The following DMD variants were observed in gnomAD, a reference collection of about 807,000 sequenced individuals.
DMD encodes the protein mutant dystrophin.
DMD carries 63 observed loss-of-function variants against 330.1 expected under a neutral mutation model. The ratio of observed to expected loss-of-function variants is 0.19; its 90% CI spans 0.16 to 0.24. The LOEUF is 0.24. Ranked by LOEUF, DMD falls within the 10% of genes least tolerant of loss-of-function variation. The probability of loss-of-function intolerance (pLI) is 1.00; values close to 1 mark genes in which losing one functional copy is unlikely to be tolerated. For missense variants in DMD, 3,344 were observed against 2,684.1 expected (o/e 1.25, Z -5.43); for synonymous variants, 1,223 against 959.8 (o/e 1.27, Z -5.07).
At chrX:31,871,512 T>C (rs1200220728) in intron 48 of DMD, among the ~76,000 whole-genome samples, 1 of 110,589 alleles carries the variant, frequency 9.0e-6, no homozygotes, top group Non-Finnish European at 1.9e-5. Flanking sequence ...CTAACAGGTG[T>C]GCTCAGAGTT....
intron 55 of DMD, among the ~76,000 whole-genome samples, chrX:31,596,644 T>C (rs779711356): frequency 6.3e-5 from 7 of 111,946 alleles, no homozygotes; most frequent in Non-Finnish European, 1.3e-4. Flanking sequence ...TTCTGCAGGT[T>C]AAATGCAGTC....
chrX:32,947,071 T>C (rs1014465711), intron 2 of DMD, among the ~76,000 whole-genome samples: 3 of 112,299 alleles, frequency 2.7e-5, no homozygotes, highest in African/African-American at 9.7e-5. Context: ...CTAATCCTAG[T>C]ATCTCTAAAA....
At chrX:33,276,761 A>T (rs1240459916) in intron 1 of DMD, among the ~76,000 whole-genome samples, 1 of 112,030 alleles carries the variant, frequency 8.9e-6, no homozygotes, top group Non-Finnish European at 1.9e-5. Context: ...GGCTTTAAAG[A>T]TCTAAACTAA....
At chrX:32,018,418 G>A (rs868391632) in intron 44 of DMD, among the ~76,000 whole-genome samples, 13 of 110,963 alleles carry the variant, frequency 1.2e-4, no homozygotes, top group South Asian at 3.9e-4. Context: ...TGTTCTTTGC[G>A]GGGGAGCTCA....
chrX:31,255,371 T>C (rs2049831225), intron 63 of DMD, among the ~76,000 whole-genome samples: 2 of 111,594 alleles, frequency 1.8e-5, no homozygotes, highest in African/African-American at 6.5e-5. Context: ...ATTACATTTG[T>C]AAAAATGCTA....
intron 47 of DMD, among the ~76,000 whole-genome samples, chrX:31,890,501 G>A (rs1326779902): frequency 9.0e-6 from 1 of 111,148 alleles, no homozygotes; most frequent in East Asian, 2.8e-4. Context: ...CATTTCCAAT[G>A]CTCAAAACCC....
At chrX:33,286,698 T>C (rs1310218448) in intron 1 of DMD, among the ~76,000 whole-genome samples, 1 of 112,103 alleles carries the variant, frequency 8.9e-6, no homozygotes, top group South Asian at 3.7e-4. Flanking sequence ...GCATCCTTCA[T>C]TGAGCTAATG....
At chrX:32,355,125 T>C (rs965040435) in intron 37 of DMD, among the ~76,000 whole-genome samples, 2 of 111,817 alleles carry the variant, frequency 1.8e-5, no homozygotes, top group Non-Finnish European at 3.8e-5. Context: ...TACCACCTTT[T>C]GTTCTTGTCA....
At chrX:33,173,570 A>T (rs1362853029) in intron 1 of DMD, among the ~76,000 whole-genome samples, 1 of 111,246 alleles carries the variant, frequency 9.0e-6, no homozygotes, top group Non-Finnish European at 1.9e-5. Context: ...TCTTCTAGAG[A>T]TTAAAGTGCA....
At chrX:33,070,673 C>CTCTA (rs1192910156) in intron 1 of DMD, among the ~76,000 whole-genome samples, 18 of 35,640 alleles carry the variant, frequency 5.1e-4, no homozygotes, top group African/African-American at 1.4e-3. Context: ...CTCTCTCTCT[C>CTCTA]TATATATATA....
At chrX:32,406,246 C>A (rs771335725) in intron 30 of DMD, among the ~76,000 whole-genome samples, 1 of 111,357 alleles carries the variant, frequency 9.0e-6, no homozygotes, top group South Asian at 3.8e-4. Flanking sequence ...CCCTTTATTT[C>A]CTTCTCCTGC....
intron 60 of DMD, among the ~76,000 whole-genome samples, chrX:31,436,453 C>T (rs1332235756): frequency 9.3e-6 from 1 of 107,386 alleles, no homozygotes; most frequent in Non-Finnish European, 1.9e-5. Flanking sequence ...TGTAGTTTCA[C>T]ACATCCTGAT....
chrX:31,134,184 A>T lies in DMD; in HGVS notation c.10932T>A (p.Asp3644Glu). The change falls in exon 77 of 79, where the codon GAT becomes GAA. Residue 3644 changes from aspartate to glutamate, a missense_variant. Physicochemically the swap from Asp to Glu is conservative, Grantham distance 45. Transcript: ENST00000357033. ...TTGTGTCCTGGGGAGGACTGAGAAG[A>T]TCTTCCTCACCTTAATAAAAGCAAA... ...SQTSDSMGEE[D>E]LLSPPQDTST... is the part of the protein sequence containing the mutation. 1 of 1,209,018 alleles carries T rather than the reference A, an allele frequency of 8.3e-7. No homozygotes were observed.
chrX:32,898,829 T>C (rs2085965585), intron 2 of DMD, among the ~76,000 whole-genome samples: 1 of 111,339 alleles, frequency 9.0e-6, no homozygotes, highest in Non-Finnish European at 1.9e-5. Flanking sequence ...CTTTATCCTC[T>C]GGGAATGGGA....
intron 13 of DMD, among the ~76,000 whole-genome samples, chrX:32,594,733 G>C (rs767175503): frequency 9.0e-6 from 1 of 110,566 alleles, no homozygotes; most frequent in Non-Finnish European, 1.9e-5. Flanking sequence ...CCATCTTCTC[G>C]TCCTCTTCTT....
chrX:31,437,609 G>A (rs1275773163), intron 60 of DMD, among the ~76,000 whole-genome samples: 4 of 110,910 alleles, frequency 3.6e-5, no homozygotes, highest in African/African-American at 1.3e-4. Flanking sequence ...ACTGCCCATT[G>A]TTGTAGCCGA....
chrX:32,620,367 A>T (rs1401283050), intron 11 of DMD, among the ~76,000 whole-genome samples: 1 of 111,736 alleles, frequency 8.9e-6, no homozygotes, highest in African/African-American at 3.2e-5. Flanking sequence ...AGCTGGTCCG[A>T]AGTATTGGGG....
At chrX:31,662,306 C>T (rs1305865220) in intron 53 of DMD, among the ~76,000 whole-genome samples, 7 of 111,605 alleles carry the variant, frequency 6.3e-5, no homozygotes, top group Non-Finnish European at 1.1e-4. Flanking sequence ...TCAGCATCAT[C>T]ATCATCATTA....
intron 30 of DMD, among the ~76,000 whole-genome samples, chrX:32,403,592 T>C (rs187020753): frequency 8.9e-6 from 1 of 111,832 alleles, no homozygotes; most frequent in African/African-American, 3.2e-5. Flanking sequence ...TTACATTTCC[T>C]ACAACTTGTG....
Sources: gnomAD v4.1 joint callset for allele counts (sites outside exome capture counted in the v4.1 genomes callset) on GRCh38, gnomAD v4.1.1 for gene constraint, MANE v1.5 for transcripts, NCBI Gene and HGNC (gene_info 2026-07-23, HGNC 2026-07-21) for gene names.